USP48: variants seen among roughly 807,000 people sequenced by gnomAD.
USP48 encodes ubiquitin carboxyl-terminal hydrolase 48.
In USP48, 43 loss-of-function variants were observed where a neutral mutation model predicts 150.7. That is an observed-to-expected ratio of 0.29 (90% confidence interval 0.22 to 0.37). USP48 has a LOEUF of 0.37. Ranked by LOEUF, USP48 falls within the 10% of genes least tolerant of loss-of-function variation. The probability of loss-of-function intolerance (pLI) is 1.00; values close to 1 mark genes in which losing one functional copy is unlikely to be tolerated. For synonymous variants in USP48, 396 were observed against 425.9 expected, an observed-to-expected ratio of 0.93 and a Z score of 0.86; for missense variants, 813 against 1,249.6, an observed-to-expected ratio of 0.65 and a Z score of 5.27.
rs1453561899 is a variant in USP48, at chr1:21,751,442, TAGCATTCAGAAC to T, written c.774+53_774+64del. 12 of 1,214,334 alleles carry T rather than the reference TAGCATTCAGAAC, an allele frequency of 9.9e-6. No homozygotes were observed. The Admixed American group carries it at 1.9e-4, about 19-fold the overall frequency. 75.2% of individuals were successfully genotyped at this position (1,214,334 alleles called of 1,614,324 possible). On this transcript the variant is annotated intron_variant, in intron 6 of 26. Coordinates refer to ENST00000308271, the MANE Select transcript of USP48 (RefSeq NM_032236.8). ...CTCTAGCCACTAAATCAAAACAGAA[TAGCATTCAGAAC>T]AGCATTTAACTGTTAATGGGCAGGA...
At chr1:21,760,984 G>C (rs1328019699) in intron 1 of USP48, among the ~76,000 whole-genome samples, 1 of 151,164 alleles carries the variant, frequency 6.6e-6, no homozygotes, top group African/African-American at 2.4e-5. Flanking sequence ...ATCCCAGCTA[G>C]TTGGGAGGCT....
intron 8 of USP48, among the ~76,000 whole-genome samples, chr1:21,737,568 A>T (rs12404502): frequency 0.069 from 10,569 of 152,284 alleles, 531 homozygotes; most frequent in East Asian, 0.21. Flanking sequence ...TCTTGTAAAG[A>T]TCCTCAACTT....
rs2097820607 is a variant in USP48 at position 21,752,988 on chromosome 1, T to C, written c.540+4A>G. 1.3e-6 allele frequency: 2 copies of C among 1,586,274 alleles called. No individual in the cohort carries two copies. Among genetic ancestry groups the C allele is most frequent in the Non-Finnish European group, 8.5e-7 (1 of 1,173,674 alleles). On this transcript the variant is annotated splice_donor_region_variant and intron_variant, in intron 4 of 26. Transcript: ENST00000308271. ...TTAAAAAAAAAAAAAAATTCAGTTCTTACCTGCTGTTGTCCAGTGTCCAGG... is the reference window on the plus strand; with the variant it reads ...TTAAAAAAAAAAAAAAATTCAGTTCCTACCTGCTGTTGTCCAGTGTCCAGG...
chr1:21,742,018 T>C (rs1057492697), intron 8 of USP48, among the ~76,000 whole-genome samples: 24 of 152,126 alleles, frequency 1.6e-4, no homozygotes, highest in Middle Eastern at 3.4e-3. Context: ...TTTGAGATCA[T>C]TGAGGGTAAA....
chr1:21,689,910 G>A, intron 24 of USP48, 64 bp downstream of exon 24: 3 of 1,592,522 alleles, frequency 1.9e-6, no homozygotes, highest in South Asian at 1.1e-5. Flanking sequence ...ATTTCACACA[G>A]TTTACACATA....
rs1558976346 is a variant in USP48, at chr1:21,679,984, ATGCCCGGCC to A, written c.3086-554_3086-546del. On this transcript the variant is annotated intron_variant, in intron 26 of 26. Coordinates refer to ENST00000308271, the MANE Select transcript of USP48 (RefSeq NM_032236.8). Reference sequence around the variant, plus strand: ...GCTGGGATTACAGGCGTGAGCCACCATGCCCGGCCAATGACCATTTTTCATAAAGACGTT... The same window carrying A: ...GCTGGGATTACAGGCGTGAGCCACCAAATGACCATTTTTCATAAAGACGTT... 2.6e-4 allele frequency among the ~76,000 whole-genome samples: 39 copies of A among 152,290 alleles called. 1 individual carries two copies. In the East Asian group the frequency reaches 7.5e-3, roughly 29 times the overall value.
At chr1:21,688,822 A>G (rs2097587077) in intron 24 of USP48, among the ~76,000 whole-genome samples, 1 of 144,594 alleles carries the variant, frequency 6.9e-6, no homozygotes, top group African/African-American at 2.6e-5. Flanking sequence ...CAGCCTGGGC[A>G]ACACAGCGAG....
At chr1:21,694,994 T>G (rs1465785123) in intron 23 of USP48, 72 bp downstream of exon 23, 7 of 1,476,822 alleles carry the variant, frequency 4.7e-6, no homozygotes, top group Non-Finnish European at 6.4e-6. Flanking sequence ...TATATGTAAA[T>G]ACAGGTGGAA....
At chr1:21,722,132 A>G (rs1357697725) in intron 12 of USP48, among the ~76,000 whole-genome samples, 1 of 152,114 alleles carries the variant, frequency 6.6e-6, no homozygotes, top group Non-Finnish European at 1.5e-5. Context: ...TGTGAAAGTG[A>G]TCTTCAAAGC....
intron 15 of USP48, among the ~76,000 whole-genome samples, chr1:21,711,766 T>C (rs2097690821): frequency 6.6e-6 from 1 of 152,120 alleles, no homozygotes; most frequent in South Asian, 2.1e-4. Flanking sequence ...GCATAATAAA[T>C]GAACCCGTAC....
chr1:21,755,745 T>C (rs1464898481), intron 3 of USP48, among the ~76,000 whole-genome samples: 1 of 152,116 alleles, frequency 6.6e-6, no homozygotes, highest in Non-Finnish European at 1.5e-5. Context: ...GTAAAAGCTA[T>C]TCAAGGCCTG....
chr1:21,757,842 C>T (rs901916355), intron 1 of USP48, 59 bp from the exon 2 acceptor site: 1 of 1,504,252 alleles, frequency 6.6e-7, no homozygotes, highest in African/African-American at 1.4e-5. Flanking sequence ...GAGAGACAAA[C>T]AAATTAAAAC....
At chr1:21,776,876 G>A (rs562336322) in intron 1 of USP48, among the ~76,000 whole-genome samples, 2 of 152,194 alleles carry the variant, frequency 1.3e-5, no homozygotes, top group African/African-American at 2.4e-5. Flanking sequence ...GAACCTGGGA[G>A]GCGGAGGCTG....
chr1:21,721,102 G>T lies in USP48; in HGVS notation c.1828C>A (p.Leu610Met). Residue 610 changes from leucine to methionine, a missense_variant, in exon 14 of 27, where the codon CTG (leucine) becomes ATG (methionine). By Grantham distance (15) the Leu-to-Met change is conservative. Coordinates refer to ENST00000308271, the MANE Select transcript of USP48 (RefSeq NM_032236.8). ...RSWRQLALEQ[L>M]DEQDGDAEQS... ...TCTGCATCACCATCTTGCTCATCCA[G>T]CTGTTCAAGAGCTAGCTGGCGCCAA... 6.2e-7 allele frequency: 1 copy of T among 1,614,236 alleles called. No individual in the cohort carries two copies. The highest frequency in any genetic ancestry group is 1.1e-5 in the South Asian group (1 of 91,088).
At chr1:21,761,168 A>T (rs1407718826) in intron 1 of USP48, among the ~76,000 whole-genome samples, 1 of 152,230 alleles carries the variant, frequency 6.6e-6, no homozygotes, top group African/African-American at 2.4e-5. Flanking sequence ...TTTATTTACA[A>T]ATGGGGTAAA....
At chr1:21,745,712 A>G (rs1421368166) in intron 8 of USP48, among the ~76,000 whole-genome samples, 3 of 152,242 alleles carry the variant, frequency 2.0e-5, no homozygotes, top group African/African-American at 7.2e-5. Context: ...CTTAGTAAGT[A>G]GTAATAGTAA....
intron 1 of USP48, among the ~76,000 whole-genome samples, chr1:21,773,409 T>A (rs1040086286): frequency 1.3e-5 from 2 of 152,050 alleles, no homozygotes; most frequent in African/African-American, 4.8e-5. Context: ...ACGCCTGTAA[T>A]CCCAGCACTT....
chr1:21,745,710 G>T (rs1557553876), intron 8 of USP48, among the ~76,000 whole-genome samples: 1 of 152,106 alleles, frequency 6.6e-6, no homozygotes, highest in Non-Finnish European at 1.5e-5. Flanking sequence ...AACTTAGTAA[G>T]TAGTAATAGT....
intron 15 of USP48, among the ~76,000 whole-genome samples, chr1:21,710,540 T>G (rs144040830): frequency 5.9e-5 from 9 of 152,352 alleles, no homozygotes; most frequent in African/African-American, 2.2e-4. Flanking sequence ...ATATAATATC[T>G]GTATTATAAA....
Sources: gnomAD v4.1 joint callset for allele counts (sites outside exome capture counted in the v4.1 genomes callset) on GRCh38, gnomAD v4.1.1 for gene constraint, MANE v1.5 for transcripts, NCBI Gene and HGNC (gene_info 2026-07-23, HGNC 2026-07-21) for gene names.